PCDH11X: variants seen among roughly 807,000 people sequenced by gnomAD.
The protein encoded by PCDH11X is protocadherin 11 X-linked.
A neutral mutation model predicts 53.3 loss-of-function variants in PCDH11X; 18 were observed. That is an observed-to-expected ratio of 0.34 (90% CI 0.23 to 0.50). The LOEUF is 0.50. Among genes scored for constraint, PCDH11X ranks in the 20% least tolerant of loss-of-function variants. The pLI, the probability that PCDH11X is intolerant of heterozygous loss-of-function variation, is 0.98. For synonymous variants in PCDH11X, 279 were observed against 393.3 expected (o/e 0.71, Z 3.44); for missense variants, 570 against 1,032.4 (o/e 0.55, Z 6.14).
chrX:92,256,950 G>A (rs1038155243), intron 7 of PCDH11X, among the ~76,000 whole-genome samples: 2 of 111,331 alleles, frequency 1.8e-5, no homozygotes, highest in Non-Finnish European at 3.8e-5. Context: ...TTCAGCATGT[G>A]TATTAGTCCA....
intron 8 of PCDH11X, among the ~76,000 whole-genome samples, chrX:92,293,476 T>G (rs903903588): frequency 2.7e-5 from 3 of 109,226 alleles, no homozygotes; most frequent in Non-Finnish European, 5.7e-5. Flanking sequence ...TACAAAAAAT[T>G]AGCCGGGCGT....
chrX:92,466,403 A>G (rs2148660726), intron 9 of PCDH11X, among the ~76,000 whole-genome samples: 1 of 108,686 alleles, frequency 9.2e-6, no homozygotes, highest in African/African-American at 3.3e-5. Context: ...TACACAAAAA[A>G]GTCCTAATAA....
rs745414246 is a variant in PCDH11X at position 92,433,120 on chromosome X, C to T, written c.3344-35179C>T. 2.1e-3 allele frequency among the ~76,000 whole-genome samples: 230 copies of T among 110,391 alleles called. 1 individual carries two copies. The highest frequency in any genetic ancestry group is 7.0e-3 in the African/African-American group (213 of 30,515). ...ATTCATAGTGGTGTTTTTTGTTGTT[C>T]GTTTTGCTTTTTGTGTCTTTGTTTT... On this transcript the variant is annotated intron_variant, in intron 9 of 10. Coordinates refer to ENST00000682573, the MANE Select transcript of PCDH11X (RefSeq NM_032968.5).
chrX:91,964,060 A>G (rs955889217), intron 6 of PCDH11X, among the ~76,000 whole-genome samples: 6 of 109,232 alleles, frequency 5.5e-5, no homozygotes, highest in African/African-American at 2.1e-4. Flanking sequence ...CAGCCAAACC[A>G]TATCAAGCAA....
chrX:91,826,406 C>A lies in PCDH11X; in HGVS notation c.-44-9055C>A, dbSNP rs1166322892. On this transcript the variant is annotated intron_variant, in intron 4 of 10. Coordinates refer to ENST00000682573, the MANE Select transcript of PCDH11X (RefSeq NM_032968.5). The stretch of plus-strand genomic sequence containing the variant: ...ACACAAGAAGTAGGGTTTATTTTAA[C>A]TTATAAATGCAAATTCCATTTTACT... Among the ~76,000 whole-genome samples, 3 of 108,580 alleles carry A rather than the reference C, an allele frequency of 2.8e-5. No homozygotes were observed. The Admixed American group carries it at 3.0e-4, about 11-fold the overall frequency. The allele number at this position is 108,580 out of a possible 115,157, so 94.3% of individuals were successfully genotyped here. A position where few individuals can be genotyped will look rare whatever the true frequency, so the allele number is the denominator to read the frequency against.
intron 6 of PCDH11X, among the ~76,000 whole-genome samples, chrX:91,990,440 A>G (rs1171055077): frequency 9.1e-6 from 1 of 109,382 alleles, no homozygotes; most frequent in Non-Finnish European, 1.9e-5. Context: ...AATTCTAACA[A>G]TTCTGTCATT....
Position 91,877,722 on chromosome X carries a change from C to A in PCDH11X, c.1482C>A (p.Asp494Glu), listed in dbSNP as rs757320553. 4 of 1,211,656 alleles carry A rather than the reference C, an allele frequency of 3.3e-6. No individual in the cohort carries two copies. The highest frequency in any genetic ancestry group is 4.5e-6 in the Non-Finnish European group (4 of 895,438). ...CGAAAGTAAGTGCAATGGATGCAGACAGTGGGCCTAATGCTAAGATCAATT... is the reference window on the plus strand; with the variant it reads ...CGAAAGTAAGTGCAATGGATGCAGAAAGTGGGCCTAATGCTAAGATCAATT... ...QLTKVSAMDA[D>E]SGPNAKINYL... The change falls in exon 6 of 11, where the codon GAC (aspartate) becomes GAA (glutamate). Residue 494 changes from aspartate to glutamate, a missense_variant. Transcript: ENST00000682573.
At position 92,356,501 on chromosome X, in the gene PCDH11X, C is replaced by T. The variant is rs371233022; in HGVS notation, c.3145-31234C>T. ...CGCCTTGTAATAATAAAATTAAAAA[C>T]CCATATACTCGCCTCTTGGTAAACA... On this transcript the variant is annotated intron_variant, in intron 8 of 10. Coordinates refer to ENST00000682573, the MANE Select transcript of PCDH11X (RefSeq NM_032968.5). Among the ~76,000 whole-genome samples the T allele has an allele frequency of 2.1e-4, 15 of 69,942 alleles. 2 individuals are homozygous for T. Among genetic ancestry groups the T allele is most frequent in the Middle Eastern group, 0.013 (2 of 154 alleles). The allele number at this position is 69,942 out of a possible 115,157, so 60.7% of individuals were successfully genotyped here.
chrX:92,267,193 A>AT (rs1166019853), intron 8 of PCDH11X, among the ~76,000 whole-genome samples: 2 of 111,430 alleles, frequency 1.8e-5, no homozygotes, highest in African/African-American at 6.5e-5. Context: ...CCATGTAGAC[A>AT]TTTTTTTCAA....
At chrX:92,529,513 A>G (rs770193559) in intron 10 of PCDH11X, among the ~76,000 whole-genome samples, 2 of 108,309 alleles carry the variant, frequency 1.8e-5, no homozygotes, top group South Asian at 8.2e-4. Flanking sequence ...TAGCCAGTCT[A>G]GGGTCTTGCT....
At chrX:92,345,649 CA>C (rs1477416724) in intron 8 of PCDH11X, among the ~76,000 whole-genome samples, 1 of 111,111 alleles carries the variant, frequency 9.0e-6, no homozygotes, top group Non-Finnish European at 1.9e-5. Context: ...GAAGAAATCT[CA>C]AAAAAATTGT....
chrX:91,938,424 G>A (rs1318026280), intron 6 of PCDH11X, among the ~76,000 whole-genome samples: 1 of 106,791 alleles, frequency 9.4e-6, no homozygotes, highest in Non-Finnish European at 1.9e-5. Context: ...ACAATCTTGA[G>A]GGAGTTGCCA....
chrX:91,823,111 G>A (rs1360281070), intron 4 of PCDH11X, among the ~76,000 whole-genome samples: 2 of 108,937 alleles, frequency 1.8e-5, no homozygotes, highest in Admixed American at 9.8e-5. Context: ...GTCAATTTTG[G>A]AATAGGTGTG....
chrX:91,803,304 A>C (rs769960468), intron 1 of PCDH11X, among the ~76,000 whole-genome samples: 1 of 110,986 alleles, frequency 9.0e-6, no homozygotes, highest in South Asian at 3.8e-4. Flanking sequence ...AAATTTTGCA[A>C]AATTTGATTC....
At chrX:92,180,799 T>C (rs1234326598) in intron 6 of PCDH11X, among the ~76,000 whole-genome samples, 5 of 112,120 alleles carry the variant, frequency 4.5e-5, no homozygotes, top group Non-Finnish European at 7.5e-5. Context: ...ACTTGCTTCT[T>C]ATGGCCTTCC....
intron 7 of PCDH11X, among the ~76,000 whole-genome samples, chrX:92,212,764 C>T (rs749849592): frequency 2.7e-5 from 3 of 112,445 alleles, no homozygotes; most frequent in Non-Finnish European, 5.6e-5. Flanking sequence ...TTGTCAGCTA[C>T]AGTTTCACAA....
chrX:92,373,295 A>C (rs1397245365), intron 8 of PCDH11X, among the ~76,000 whole-genome samples: 1 of 111,563 alleles, frequency 9.0e-6, no homozygotes, highest in Non-Finnish European at 1.9e-5. Flanking sequence ...GGTTTGGGCT[A>C]CAGGAGTTAA....
chrX:92,218,952 A>C (rs1274143751), intron 7 of PCDH11X, among the ~76,000 whole-genome samples: 3 of 111,766 alleles, frequency 2.7e-5, no homozygotes, highest in Admixed American at 9.5e-5. Context: ...AAACCACATG[A>C]TTATCTCAAT....
At chrX:92,416,440 A>G (rs1232028337) in intron 9 of PCDH11X, among the ~76,000 whole-genome samples, 1 of 110,534 alleles carries the variant, frequency 9.0e-6, no homozygotes, top group African/African-American at 3.3e-5. Context: ...CCATAAATAT[A>G]TTACACCTCC....
Sources: allele counts gnomAD v4.1 joint callset (sites outside exome capture counted in the v4.1 genomes callset), GRCh38; gene constraint gnomAD v4.1.1; transcripts MANE v1.5; gene names NCBI Gene and HGNC (gene_info 2026-07-23, HGNC 2026-07-21).